Variants in DAB1 observed in about 807,000 individuals in gnomAD.
DAB1 encodes the protein DAB adaptor protein 1.
Under a neutral mutation model 64.6 loss-of-function variants are expected in DAB1, and 15 were observed. The ratio of observed to expected loss-of-function variants is 0.23; its 90% confidence interval spans 0.16 to 0.36. DAB1 has a LOEUF of 0.36. Ranked by LOEUF, DAB1 falls within the 10% of genes least tolerant of loss-of-function variation. The pLI, the probability that DAB1 is intolerant of heterozygous loss-of-function variation, is 1.00. For missense variants in DAB1, 596 were observed against 706.7 expected (o/e 0.84, Z 1.78); for synonymous variants, 235 against 251.9 (o/e 0.93, Z 0.64).
chr1:57,322,979 G>A (rs141487829), intron 1 of DAB1, among the ~76,000 whole-genome samples: 30 of 152,140 alleles, frequency 2.0e-4, no homozygotes, highest in African/African-American at 7.0e-4. Flanking sequence ...ATGTTAATAC[G>A]TTTATGAATG....
At chr1:57,668,047 A>T (rs1391484890) in intron 6 of DAB1, among the ~76,000 whole-genome samples, 5 of 152,158 alleles carry the variant, frequency 3.3e-5, no homozygotes, top group East Asian at 1.9e-4. Flanking sequence ...AAAAATTTTT[A>T]AAAAGAAATA....
At chr1:58,009,315 T>A (rs6673433) in intron 5 of DAB1, among the ~76,000 whole-genome samples, 23,747 of 152,078 alleles carry the variant, frequency 0.16, 2,228 homozygotes, top group African/African-American at 0.25. Flanking sequence ...GAGTGGTTAA[T>A]CTCTACACTG....
At chr1:57,654,122 C>T (rs1207488723) in intron 6 of DAB1, among the ~76,000 whole-genome samples, 1 of 152,110 alleles carries the variant, frequency 6.6e-6, no homozygotes, top group Non-Finnish European at 1.5e-5. Context: ...ATTTAATTGG[C>T]CATTTAGGTT....
chr1:58,282,343 C>T (rs1661581584), intron 4 of DAB1, among the ~76,000 whole-genome samples: 1 of 152,146 alleles, frequency 6.6e-6, no homozygotes, highest in African/African-American at 2.4e-5. Context: ...AAGTATGTCT[C>T]AGTCACCACT....
chr1:57,573,650 G>A (rs535708300), intron 7 of DAB1, among the ~76,000 whole-genome samples: 131 of 152,258 alleles, frequency 8.6e-4, no homozygotes, highest in Non-Finnish European at 1.5e-3. Flanking sequence ...GTATAAATCC[G>A]TGTTGCAATG....
chr1:57,339,231 C>A (rs1039621347), intron 1 of DAB1, among the ~76,000 whole-genome samples: 1 of 151,732 alleles, frequency 6.6e-6, no homozygotes. Flanking sequence ...TCTCTGCTCA[C>A]GGCAAGCTCC....
At chr1:57,730,897 C>A (rs1302990476) in intron 6 of DAB1, among the ~76,000 whole-genome samples, 1 of 152,144 alleles carries the variant, frequency 6.6e-6, no homozygotes, top group Non-Finnish European at 1.5e-5. Context: ...AGGGTGCATC[C>A]TCTATGGAAA....
chr1:57,700,609 G>A (rs1402197891), intron 6 of DAB1, among the ~76,000 whole-genome samples: 1 of 152,082 alleles, frequency 6.6e-6, no homozygotes, highest in African/African-American at 2.4e-5. Flanking sequence ...TCTGCTTTTA[G>A]TATCTTCTCT....
At chr1:57,737,057 T>G (rs570650046) in intron 6 of DAB1, among the ~76,000 whole-genome samples, 2 of 152,270 alleles carry the variant, frequency 1.3e-5, no homozygotes, top group Admixed American at 1.3e-4. Flanking sequence ...AGGATAGAGC[T>G]GCAGCTGCAG....
At chr1:58,513,856 G>A (rs1646119550) in intron 2 of DAB1, among the ~76,000 whole-genome samples, 1 of 152,116 alleles carries the variant, frequency 6.6e-6, no homozygotes, top group African/African-American at 2.4e-5. Flanking sequence ...AAGATCCATG[G>A]TGACTACATA....
intron 14 of DAB1, among the ~76,000 whole-genome samples, chr1:57,005,522 T>C (rs995007764): frequency 8.5e-5 from 13 of 152,110 alleles, no homozygotes; most frequent in African/African-American, 3.1e-4. Flanking sequence ...TATTTGGGGA[T>C]TGGTTCCATG....
At chr1:57,491,246 C>T (rs1387791508) in intron 7 of DAB1, among the ~76,000 whole-genome samples, 1 of 152,008 alleles carries the variant, frequency 6.6e-6, no homozygotes, top group East Asian at 1.9e-4. Context: ...GGCTAACACA[C>T]TGAAACCCTG....
intron 6 of DAB1, among the ~76,000 whole-genome samples, chr1:57,659,453 G>A (rs1646358945): frequency 1.3e-5 from 2 of 152,140 alleles, no homozygotes; most frequent in African/African-American, 2.4e-5. Context: ...AGGCCGGAAC[G>A]TACCAGGAGC....
At position 57,113,601 on chromosome 1, in the gene DAB1, G is replaced by C. The variant is rs550355836; in HGVS notation, c.306+22942C>G. On this transcript the variant is annotated intron_variant, in intron 4 of 14. Transcript: ENST00000371236. ...TGTATTGCCATGAAATTTTATTTAT[G>C]GACATTGAAATTTGAACTTCATATA... Among the ~76,000 whole-genome samples, 7 of 152,198 alleles carry C rather than the reference G, an allele frequency of 4.6e-5. No homozygotes were observed. The East Asian group carries it at 9.7e-4, about 21-fold the overall frequency.
intron 5 of DAB1, among the ~76,000 whole-genome samples, chr1:57,989,231 G>T (rs889244140): frequency 6.6e-6 from 1 of 152,088 alleles, no homozygotes; most frequent in African/African-American, 2.4e-5. Context: ...GAGCCTGATA[G>T]GTAATTACCT....
chr1:57,826,267 A>G (rs540783895), exon 2 of DAB1: 1 of 152,218 alleles, frequency 6.6e-6, no homozygotes, highest in Non-Finnish European at 1.5e-5. Flanking sequence ...ATATATGTAT[A>G]TAGATAGTTA....
chr1:58,248,058 T>C (rs1004233039), intron 4 of DAB1, among the ~76,000 whole-genome samples: 2 of 151,874 alleles, frequency 1.3e-5, no homozygotes, highest in East Asian at 1.9e-4. Context: ...ATGTGGTCAC[T>C]GTAAGGCAAC....
In DAB1 at chr1:58,300,638, G is replaced by A. The variant is rs372636862; in HGVS notation, n.309+42714C>T. Among the ~76,000 whole-genome samples the A allele has an allele frequency of 4.1e-3, 251 of 61,750 alleles. 8 individuals carry two copies. Among genetic ancestry groups the A allele is most frequent in the East Asian group, 0.013 (17 of 1,352 alleles). 40.5% of individuals were successfully genotyped at this position (61,750 alleles called of 152,430 possible). A position where few individuals can be genotyped will look rare whatever the true frequency, so the allele number is the denominator to read the frequency against. On this transcript the variant is annotated intron_variant and non_coding_transcript_variant, in intron 4 of 20. Transcript: ENST00000485760. ...AGAGAGAGAGAGAGAGAGAGAGAGAGAGAGAGAGAGGAAGGAAGGAAGGAA... is the reference window on the plus strand; with the variant it reads ...AGAGAGAGAGAGAGAGAGAGAGAGAAAGAGAGAGAGGAAGGAAGGAAGGAA...
intron 5 of DAB1, chr1:58,074,441 T>G (rs1458514576): frequency 2.8e-5 from 4 of 144,956 alleles, no homozygotes; most frequent in Non-Finnish European, 6.0e-5. Flanking sequence ...TATCCAGGAT[T>G]TCTACTAGTT....
Sources: gnomAD v4.1 joint callset for allele counts (sites outside exome capture counted in the v4.1 genomes callset) on GRCh38, gnomAD v4.1.1 for gene constraint, MANE v1.5 for transcripts, NCBI Gene and HGNC (gene_info 2026-07-23, HGNC 2026-07-21) for gene names.